ARHGAP8: variants seen among roughly 807,000 people sequenced by gnomAD.
The protein encoded by ARHGAP8 is Rho GTPase activating protein 8.
In ARHGAP8, 62 loss-of-function variants were observed where a neutral mutation model predicts 46.1. The ratio of observed to expected loss-of-function variants is 1.34; its 90% CI spans 1.10 to 1.66. The LOEUF (loss-of-function observed/expected upper bound fraction) is 1.66, where lower values mean the gene tolerates loss of function less well. Among genes scored for constraint, ARHGAP8 ranks in the 40% most tolerant of loss-of-function variants. The pLI, the probability that ARHGAP8 is intolerant of heterozygous loss-of-function variation, is 0.00. For missense variants in ARHGAP8, 923 were observed against 568.4 expected, an observed-to-expected ratio of 1.62 and a Z score of -6.34; for synonymous variants, 375 against 243.1, an observed-to-expected ratio of 1.54 and a Z score of -5.05.
chr22:44,761,503 T>G (rs1411903641), intron 1 of ARHGAP8, among the ~76,000 whole-genome samples: 7 of 152,240 alleles, frequency 4.6e-5, no homozygotes, highest in Non-Finnish European at 5.9e-5. Context: ...CAGAAGGATA[T>G]GCATAAGTTA....
At chr22:44,813,434 C>G (rs553432593) in intron 4 of ARHGAP8, among the ~76,000 whole-genome samples, 1 of 136,682 alleles carries the variant, frequency 7.3e-6, no homozygotes, top group Admixed American at 7.6e-5. Context: ...ACACTTACAC[C>G]TACATACACA....
intron 10 of ARHGAP8, among the ~76,000 whole-genome samples, chr22:44,855,758 C>T (rs78424114): frequency 6.6e-6 from 1 of 152,048 alleles, no homozygotes; most frequent in Non-Finnish European, 1.5e-5. Flanking sequence ...CACAGATAGC[C>T]AAAAGAAAGA....
chr22:44,774,966 G>A (rs1926317470), intron 1 of ARHGAP8, among the ~76,000 whole-genome samples: 1 of 151,754 alleles, frequency 6.6e-6, no homozygotes, highest in Non-Finnish European at 1.5e-5. Context: ...GAGTAGCTGG[G>A]ACAACAGGCA....
chr22:44,766,835 C>T (rs1455986934), intron 1 of ARHGAP8, among the ~76,000 whole-genome samples: 1 of 152,050 alleles, frequency 6.6e-6, no homozygotes, highest in African/African-American at 2.4e-5. Flanking sequence ...CTGGCCAAGG[C>T]CACACAGCAG....
chr22:44,783,241 G>A (rs537760859), intron 1 of ARHGAP8, among the ~76,000 whole-genome samples: 4 of 152,212 alleles, frequency 2.6e-5, no homozygotes, highest in Admixed American at 6.5e-5. Flanking sequence ...CCATAGCCAC[G>A]CTGACCTTGG....
At chr22:44,819,406 T>C (rs1929971237) in intron 5 of ARHGAP8, among the ~76,000 whole-genome samples, 1 of 152,128 alleles carries the variant, frequency 6.6e-6, no homozygotes, top group African/African-American at 2.4e-5. Flanking sequence ...GCGTGGTGGC[T>C]CACCCCTGTA....
At chr22:44,829,985 A>G (rs1930822720) in intron 7 of ARHGAP8, among the ~76,000 whole-genome samples, 1 of 150,068 alleles carries the variant, frequency 6.7e-6, no homozygotes, top group South Asian at 2.1e-4. Context: ...GGGGCAGGTC[A>G]TGGCTGAGCT....
intron 11 of ARHGAP8, among the ~76,000 whole-genome samples, chr22:44,861,577 C>CA (rs2070487521): frequency 6.6e-6 from 1 of 152,336 alleles, no homozygotes; most frequent in South Asian, 2.1e-4. Context: ...TGCCCTGGTA[C>CA]TCACCGCCTC....
At chr22:44,773,836 G>A (rs560116194) in intron 1 of ARHGAP8, among the ~76,000 whole-genome samples, 2 of 152,122 alleles carry the variant, frequency 1.3e-5, no homozygotes, top group Non-Finnish European at 2.9e-5. Flanking sequence ...ACCTGCTTTG[G>A]CCCCCCAAAG....
At chr22:44,829,960 G>A (rs1930821718) in intron 7 of ARHGAP8, among the ~76,000 whole-genome samples, 1 of 151,934 alleles carries the variant, frequency 6.6e-6, no homozygotes, top group South Asian at 2.1e-4. Flanking sequence ...AGCTTGAGAT[G>A]TCCTTAGGCT....
chr22:44,847,149 A>T (rs2069977439), intron 8 of ARHGAP8, among the ~76,000 whole-genome samples: 1 of 152,144 alleles, frequency 6.6e-6, no homozygotes, highest in Admixed American at 6.5e-5. Context: ...CACCCCCATC[A>T]TGCACCGCAG....
chr22:44,799,253 G>C (rs185169038), intron 2 of ARHGAP8, among the ~76,000 whole-genome samples: 2 of 152,242 alleles, frequency 1.3e-5, no homozygotes, highest in Non-Finnish European at 2.9e-5. Context: ...CCAAGGCTGC[G>C]TGTGGCCTCT....
At chr22:44,760,731 G>C (rs1392401714) in intron 1 of ARHGAP8, among the ~76,000 whole-genome samples, 1 of 152,178 alleles carries the variant, frequency 6.6e-6, no homozygotes, top group Non-Finnish European at 1.5e-5. Flanking sequence ...ATTTTGCTAT[G>C]AATTATAAAT....
chr22:44,822,529 T>G, intron 6 of ARHGAP8, 60 bp downstream of exon 6: 3 of 1,419,806 alleles, frequency 2.1e-6, no homozygotes, highest in Non-Finnish European at 2.8e-6. Flanking sequence ...CCAAAGGGCT[T>G]GGTTCAGTCC....
intron 7 of ARHGAP8, among the ~76,000 whole-genome samples, chr22:44,831,847 C>G (rs1291606548): frequency 6.6e-6 from 1 of 152,184 alleles, no homozygotes; most frequent in East Asian, 1.9e-4. Flanking sequence ...GCCACACAAT[C>G]TTGATTACTG....
At chr22:44,786,197 T>G in intron 1 of ARHGAP8, 3 of 545,802 alleles carry the variant, frequency 5.5e-6, no homozygotes, top group South Asian at 2.2e-5. Flanking sequence ...AGGTAGGGCG[T>G]ATAGTGGGTG....
chr22:44,826,062 C>G (rs1193709672), intron 7 of ARHGAP8, among the ~76,000 whole-genome samples: 1 of 152,086 alleles, frequency 6.6e-6, no homozygotes, highest in Non-Finnish European at 1.5e-5. Flanking sequence ...ACAGACACTT[C>G]CCACCACCTT....
chr22:44,836,722 C>T (rs747006732), intron 7 of ARHGAP8, among the ~76,000 whole-genome samples: 3 of 151,768 alleles, frequency 2.0e-5, no homozygotes, highest in Non-Finnish European at 2.9e-5. Context: ...TGGGAGGGGA[C>T]GTGTTGTATT....
chr22:44,825,807 G>C (rs994117689), intron 7 of ARHGAP8, among the ~76,000 whole-genome samples: 1 of 145,222 alleles, frequency 6.9e-6, no homozygotes, highest in African/African-American at 2.5e-5. Flanking sequence ...GTGCCTGGTT[G>C]GGGGGCGCAT....
Sources: gnomAD v4.1 joint callset for allele counts (sites outside exome capture counted in the v4.1 genomes callset) on GRCh38, gnomAD v4.1.1 for gene constraint, MANE v1.5 for transcripts, NCBI Gene and HGNC (gene_info 2026-07-23, HGNC 2026-07-21) for gene names.